NFKB1: variants seen among roughly 807,000 people sequenced by gnomAD.
NFKB1 encodes nuclear factor NF-kappa-B p105 subunit.
NFKB1 carries 9 observed loss-of-function variants against 105.1 expected under a neutral mutation model. That is an observed-to-expected ratio of 0.09 (90% CI 0.05 to 0.15). The LOEUF (loss-of-function observed/expected upper bound fraction) is 0.15, where lower values mean the gene tolerates loss of function less well. Among genes scored for constraint, NFKB1 ranks in the 10% least tolerant of loss-of-function variants. NFKB1 has a pLI of 1.00. For synonymous variants in NFKB1, 440 were observed against 442.2 expected (o/e 1.00, Z 0.06); for missense variants, 830 against 1,203.7 (o/e 0.69, Z 4.59).
chr4:102,559,813 C>T (rs1723254212), intron 5 of NFKB1, among the ~76,000 whole-genome samples: 1 of 151,474 alleles, frequency 6.6e-6, no homozygotes, highest in Admixed American at 6.6e-5. Context: ...GTGGCATGCA[C>T]CTGTAGTCCT....
intron 23 of NFKB1, among the ~76,000 whole-genome samples, chr4:102,614,860 A>G (rs1285691102): frequency 6.6e-6 from 1 of 151,892 alleles, no homozygotes; most frequent in Non-Finnish European, 1.5e-5. Context: ...CAAGCCCAAT[A>G]CTGGCTACAT....
intron 22 of NFKB1, 40 bp from the exon 23 acceptor site, chr4:102,613,385 G>T: frequency 6.2e-7 from 1 of 1,603,758 alleles, no homozygotes; most frequent in South Asian, 1.1e-5. Flanking sequence ...ACTGGGACTC[G>T]AACACAAGAA....
At chr4:102,533,406 C>T (rs1482610621) in intron 3 of NFKB1, among the ~76,000 whole-genome samples, 4 of 152,204 alleles carry the variant, frequency 2.6e-5, no homozygotes, top group Non-Finnish European at 5.9e-5. Context: ...ATTAAGCACA[C>T]TCTCTTTGAG....
chr4:102,576,159 A>T (rs568593189), intron 6 of NFKB1, among the ~76,000 whole-genome samples: 9 of 152,344 alleles, frequency 5.9e-5, no homozygotes, highest in African/African-American at 2.2e-4. Context: ...GAGATAAAAG[A>T]TTCTCCATCC....
intron 15 of NFKB1, 67 bp from the exon 16 acceptor site, chr4:102,600,828 C>T: frequency 1.1e-6 from 1 of 952,086 alleles, no homozygotes; most frequent in Non-Finnish European, 1.7e-6. Flanking sequence ...AGTCTAATCA[C>T]ATCTTGGGAA....
At chr4:102,526,210 G>A (rs1042141516) in intron 2 of NFKB1, among the ~76,000 whole-genome samples, 6 of 152,038 alleles carry the variant, frequency 3.9e-5, no homozygotes, top group Admixed American at 6.6e-5. Flanking sequence ...CACAGGTACC[G>A]GGGATTAGGA....
intron 1 of NFKB1, among the ~76,000 whole-genome samples, chr4:102,520,567 A>T (rs1033943906): frequency 6.6e-6 from 1 of 152,202 alleles, no homozygotes; most frequent in Non-Finnish European, 1.5e-5. Context: ...CAAATGAAAC[A>T]TGGATGTGGA....
chr4:102,514,723 C>T (rs937026242), intron 1 of NFKB1, among the ~76,000 whole-genome samples: 4 of 151,640 alleles, frequency 2.6e-5, no homozygotes, highest in African/African-American at 9.7e-5. Flanking sequence ...TCATTTTTTC[C>T]ATTAGTTCTG....
chr4:102,567,160 G>A (rs776613390), intron 6 of NFKB1, 25 bp downstream of exon 6: 3 of 1,608,748 alleles, frequency 1.9e-6, no homozygotes, highest in South Asian at 1.1e-5. Flanking sequence ...ATGATGCTGT[G>A]GAAGGTAGGA....
chr4:102,542,508 C>T (rs1742067813), intron 5 of NFKB1, among the ~76,000 whole-genome samples: 1 of 152,120 alleles, frequency 6.6e-6, no homozygotes, highest in South Asian at 2.1e-4. Flanking sequence ...CTCTCTCTCT[C>T]TCTCTCTGTC....
intron 2 of NFKB1, 38 bp downstream of exon 2, chr4:102,525,595 A>G: frequency 1.3e-6 from 2 of 1,547,534 alleles, no homozygotes; most frequent in Non-Finnish European, 1.8e-6. Context: ...TTATTTAAAT[A>G]TATTCATATT....
At chr4:102,602,285 C>T (rs1187469078) in intron 16 of NFKB1, among the ~76,000 whole-genome samples, 1 of 151,512 alleles carries the variant, frequency 6.6e-6, no homozygotes, top group African/African-American at 2.4e-5. Flanking sequence ...AATCCCAGCA[C>T]TTTGGGAGGC....
At chr4:102,564,777 C>G (rs1723721255) in intron 5 of NFKB1, among the ~76,000 whole-genome samples, 1 of 152,154 alleles carries the variant, frequency 6.6e-6, no homozygotes, top group African/African-American at 2.4e-5. Flanking sequence ...CTTCTGGTGT[C>G]CTATTAAATT....
At chr4:102,610,817 A>C in intron 20 of NFKB1, 118 bp downstream of exon 20, 1 of 1,281,046 alleles carries the variant, frequency 7.8e-7, no homozygotes. Flanking sequence ...TTTATTTTTA[A>C]GAAAGTCTGT....
chr4:102,594,984 AAG>A lies in NFKB1; in HGVS notation c.1300+4_1300+5del, dbSNP rs1726487090. 6.3e-7 allele frequency: 1 copy of A among 1,591,454 alleles called. No individual in the cohort carries two copies. Among genetic ancestry groups the A allele is most frequent in the Non-Finnish European group, 8.6e-7 (1 of 1,161,376 alleles). On this transcript the variant is annotated splice_donor_5th_base_variant and intron_variant, in intron 13 of 23. Coordinates refer to ENST00000226574, the MANE Select transcript of NFKB1 (RefSeq NM_003998.4). The stretch of plus-strand genomic sequence containing the variant: ...ATCTAATGCTGGGATGAAGCATGGT[AAG>A]TAATGCTTTGTTCTTAATACCAAGA...
chr4:102,545,315 A>G (rs1259931816), intron 5 of NFKB1, among the ~76,000 whole-genome samples: 1 of 152,132 alleles, frequency 6.6e-6, no homozygotes, highest in Admixed American at 6.6e-5. Context: ...TGGGCTGGAA[A>G]GTGCTTGCAG....
chr4:102,530,103 C>T (rs377015934), intron 3 of NFKB1, among the ~76,000 whole-genome samples, 189 bp downstream of exon 3: 1 of 152,038 alleles, frequency 6.6e-6, no homozygotes, highest in Non-Finnish European at 1.5e-5. Context: ...TCTCAATTAC[C>T]CCTTGTATGG....
rs1389457378 is a variant in NFKB1 at position 102,529,170 on chromosome 4, AG to A, written c.40-664del. Among the ~76,000 whole-genome samples the A allele has an allele frequency of 9.2e-5, 14 of 152,180 alleles. No individual in the cohort carries two copies. The South Asian group carries it at 1.9e-3, about 20-fold the overall frequency. ...GTAGCACTCACAGTTTCTGAGGATT[AG>A]GATGCAGACATGTTTAGGGGGTCGT... On this transcript the variant is annotated intron_variant, in intron 2 of 23. Coordinates refer to ENST00000226574, the MANE Select transcript of NFKB1 (RefSeq NM_003998.4).
At chr4:102,539,317 T>C (rs77416893) in intron 5 of NFKB1, among the ~76,000 whole-genome samples, 3,473 of 151,970 alleles carry the variant, frequency 0.023, 65 homozygotes, top group African/African-American at 0.058. Flanking sequence ...TTTCCTCTTA[T>C]CCATCTTCTA....
Sources: gnomAD v4.1 joint callset for allele counts (sites outside exome capture counted in the v4.1 genomes callset) on GRCh38, gnomAD v4.1.1 for gene constraint, MANE v1.5 for transcripts, NCBI Gene and HGNC (gene_info 2026-07-23, HGNC 2026-07-21) for gene names.